Variants in PPP1R16A observed in about 807,000 individuals in gnomAD.
The protein encoded by PPP1R16A is protein phosphatase 1 regulatory subunit 16A, also known as myosin phosphatase-targeting subunit 3.
Under a neutral mutation model 46.6 loss-of-function variants are expected in PPP1R16A, and 39 were observed. The ratio of observed to expected loss-of-function variants is 0.84; its 90% CI spans 0.65 to 1.09. PPP1R16A has a LOEUF of 1.09. PPP1R16A is among the 50% of genes least tolerant of loss of function. PPP1R16A has a pLI of 0.00. For synonymous variants in PPP1R16A, 413 were observed against 321.5 expected, an observed-to-expected ratio of 1.28 and a Z score of -3.04; for missense variants, 798 against 735.6, an observed-to-expected ratio of 1.08 and a Z score of -0.98.
chr8:144,491,184 C>T (rs1383743310), intron 2 of PPP1R16A, among the ~76,000 whole-genome samples: 3 of 152,226 alleles, frequency 2.0e-5, no homozygotes, highest in Admixed American at 6.5e-5. Flanking sequence ...CATTGAGACC[C>T]ACCTCATCTT....
In PPP1R16A at chr8:144,497,356, C is replaced by T. The variant is rs1826125539; in HGVS notation, c.162C>T (p.Pro54=). 1 of 1,612,904 alleles carries T rather than the reference C, an allele frequency of 6.2e-7. No homozygotes were observed. Among genetic ancestry groups the T allele is most frequent in the Non-Finnish European group, 8.5e-7 (1 of 1,179,992 alleles). The change falls in exon 3 of 12, where the codon CCC becomes CCT. Residue 54 remains proline (P), a synonymous_variant. Transcript: ENST00000435887. ...AQGKKGPGER[P]RKEAASQGLL... ...GCAAGAAGGGTCCTGGGGAGCGTCC[C>T]CGGAAGGAGGCAGCCAGCCAAGGGC...
intron 11 of PPP1R16A, 97 bp downstream of exon 11, chr8:144,501,391 T>C (rs1826458056): frequency 6.7e-7 from 1 of 1,488,356 alleles, no homozygotes; most frequent in Non-Finnish European, 8.9e-7. Flanking sequence ...GTGTCAGGAA[T>C]GGTGCCCTGC....
chr8:144,490,869 A>C (rs1825785879), intron 2 of PPP1R16A, among the ~76,000 whole-genome samples: 1 of 152,192 alleles, frequency 6.6e-6, no homozygotes, highest in African/African-American at 2.4e-5. Flanking sequence ...AGTCTGGGCA[A>C]CATAGGGAGA....
At chr8:144,487,607 T>G (rs1418399750) in intron 1 of PPP1R16A, among the ~76,000 whole-genome samples, 1 of 152,216 alleles carries the variant, frequency 6.6e-6, no homozygotes, top group Non-Finnish European at 1.5e-5. Flanking sequence ...TGGGCTCAAG[T>G]GATCCTCCTG....
chr8:144,494,923 G>A (rs1825984684), intron 2 of PPP1R16A, among the ~76,000 whole-genome samples: 1 of 152,166 alleles, frequency 6.6e-6, no homozygotes, highest in Non-Finnish European at 1.5e-5. Flanking sequence ...CTGCCTCTCT[G>A]GTACCCATGC....
At position 144,501,829 on chromosome 8, in the gene PPP1R16A, C is replaced by T. The variant is rs1225495333; in HGVS notation, c.1513C>T (p.Pro505Ser). The T allele has an allele frequency of 6.4e-7, 1 of 1,550,836 alleles. No homozygotes were observed. Among genetic ancestry groups the T allele is most frequent in the Non-Finnish European group, 8.7e-7 (1 of 1,148,954 alleles). The change falls in exon 12 of 12, where the codon CCA (proline) becomes TCA (serine). Residue 505 changes from proline (P) to serine (S), a missense_variant. Physicochemically the swap from Pro to Ser is moderately conservative, Grantham distance 74. Transcript: ENST00000435887. Reference protein sequence around the residue: ...PDCGFRAGGDPPLLKLTAPAV... With the variant: ...PDCGFRAGGDSPLLKLTAPAV... ...CTGTGGCTTCAGGGCAGGCGGGGAC[C>T]CACCCCTGCTCAAGCTCACAGCCCC...
At chr8:144,495,812 C>T (rs1826031362) in intron 2 of PPP1R16A, 1 of 152,306 alleles carries the variant, frequency 6.6e-6, no homozygotes, top group Non-Finnish European at 1.5e-5. Flanking sequence ...AGGACTAGGG[C>T]CATAGCAGGT....
chr8:144,496,997 C>T lies in PPP1R16A; in HGVS notation c.-198C>T, dbSNP rs546314518. 3.5e-4 allele frequency: 240 copies of T among 688,930 alleles called. 1 individual carries two copies. Among genetic ancestry groups the T allele is most frequent in the East Asian group, 1.0e-3 (37 of 36,546 alleles). 42.7% of individuals were successfully genotyped at this position (688,930 alleles called of 1,614,324 possible). On this transcript the variant is annotated 5_prime_UTR_variant, in exon 3 of 12. Transcript: ENST00000435887. The stretch of plus-strand genomic sequence containing the variant: ...CCCTCCCACACTGCCCTCCCTGCCC[C>T]GGCCCATGCCCCCCAGGGCTGCCTG...
At chr8:144,501,104 A>T (rs1483606058) in intron 10 of PPP1R16A, 25 bp from the exon 11 acceptor site, 1 of 1,606,296 alleles carries the variant, frequency 6.2e-7, no homozygotes, top group Middle Eastern at 1.7e-4. Context: ...CCTTCCCCTC[A>T]CTCCCTCTCC....
Position 144,498,532 on chromosome 8 carries a change from G to A in PPP1R16A, c.260-238G>A, listed in dbSNP as rs141006182. Reference sequence around the variant, plus strand: ...GCACGGCCTGTTCTGGGGGTCGGAGGGCTGGAGCACCACCATGAAGGGCCT... The same window carrying A: ...GCACGGCCTGTTCTGGGGGTCGGAGAGCTGGAGCACCACCATGAAGGGCCT... On this transcript the variant is annotated intron_variant, in intron 3 of 11. Transcript: ENST00000435887. 8.2e-5 allele frequency: 43 copies of A among 525,210 alleles called. No homozygotes were observed. In the South Asian group the frequency reaches 1.2e-3, roughly 14 times the overall value. 32.5% of individuals were successfully genotyped at this position (525,210 alleles called of 1,614,324 possible). A position where few individuals can be genotyped will look rare whatever the true frequency, so the allele number is the denominator to read the frequency against.
At chr8:144,482,179 T>G (rs1353652890) in intron 1 of PPP1R16A, among the ~76,000 whole-genome samples, 3 of 152,078 alleles carry the variant, frequency 2.0e-5, no homozygotes, top group African/African-American at 7.2e-5. Flanking sequence ...TTCAAGCGAT[T>G]CTTCTGCCTC....
chr8:144,500,242 T>A (rs1826346663), intron 6 of PPP1R16A, 25 bp from the exon 7 acceptor site: 1 of 1,574,076 alleles, frequency 6.4e-7, no homozygotes, highest in African/African-American at 1.4e-5. Context: ...CCGGTCGCGC[T>A]CCCTCTGAGC....
chr8:144,499,998 C>G lies in PPP1R16A; in HGVS notation c.477-98C>G, dbSNP rs371502869. The G allele has an allele frequency of 6.1e-5, 79 of 1,302,934 alleles. 1 individual carries two copies. The South Asian group carries it at 1.0e-3, about 17-fold the overall frequency. The allele number at this position is 1,302,934 out of a possible 1,614,324, so 80.7% of individuals were successfully genotyped here. A position where few individuals can be genotyped will look rare whatever the true frequency, so the allele number is the denominator to read the frequency against. On this transcript the variant is annotated intron_variant, in intron 5 of 11. Transcript: ENST00000435887. ...GGACAGGGTGCCTCCTGAGGGGCAG[C>G]CCTGGGCTGAGGGGCCCTGGCGGGG...
chr8:144,495,667 ACCTCGTGATCCACCCGCCTTGG>A (rs1341248244), intron 2 of PPP1R16A: 1 of 152,152 alleles, frequency 6.6e-6, no homozygotes, highest in Non-Finnish European at 1.5e-5. Context: ...CGATCTCCTG[ACCTCGTGATCCACCCGCCTTGG>A]CCTCCCAAAG....
intron 1 of PPP1R16A, among the ~76,000 whole-genome samples, chr8:144,483,349 T>A (rs62530440): frequency 4.6e-5 from 7 of 152,228 alleles, no homozygotes; most frequent in Non-Finnish European, 1.0e-4. Context: ...CTTCATCACG[T>A]GAATTTTTTG....
rs376668862 is a variant in PPP1R16A, at chr8:144,499,615, G to A, written c.477-481G>A. The stretch of plus-strand genomic sequence containing the variant: ...CATGGCGGTCGCGTCACACACAGGC[G>A]CTGCGGGGCAGGCGGGGATGTGGGG... On this transcript the variant is annotated intron_variant, in intron 5 of 11. Coordinates refer to ENST00000435887, the MANE Select transcript of PPP1R16A (RefSeq NM_001329443.2). The A allele has an allele frequency of 9.8e-5, 18 of 184,206 alleles. No homozygotes were observed. The East Asian group carries it at 2.4e-3, about 24-fold the overall frequency. 11.4% of individuals were successfully genotyped at this position (184,206 alleles called of 1,614,324 possible). A position where few individuals can be genotyped will look rare whatever the true frequency, so the allele number is the denominator to read the frequency against.
At chr8:144,498,333 C>T (rs568376460) in intron 3 of PPP1R16A, 3 of 343,534 alleles carry the variant, frequency 8.7e-6, no homozygotes, top group East Asian at 1.5e-4. Context: ...CAGGGATGTG[C>T]TCTGGTGGTG....
Position 144,500,617 on chromosome 8 carries a change from G to C in PPP1R16A, c.831+5G>C. The C allele has an allele frequency of 6.2e-7, 1 of 1,602,032 alleles. No individual in the cohort carries two copies. Among genetic ancestry groups the C allele is most frequent in the Non-Finnish European group, 8.5e-7 (1 of 1,179,116 alleles). On this transcript the variant is annotated splice_donor_5th_base_variant and intron_variant, in intron 8 of 11. Transcript: ENST00000435887. ...GCCGCGGCCTACTGGGGCCAGGTGAGTGCGGGCGGGAGCAGGTGGGAGGGG... is the reference window on the plus strand; with the variant it reads ...GCCGCGGCCTACTGGGGCCAGGTGACTGCGGGCGGGAGCAGGTGGGAGGGG...
chr8:144,487,531 G>T lies in PPP1R16A; in HGVS notation c.-913-2503G>T, dbSNP rs114084811. On this transcript the variant is annotated intron_variant, in intron 1 of 11. Transcript: ENST00000435887. ...ACTGCAGGGGTGCACCACCATGCCT[G>T]GCTAATTTTTTAAATTTTGTAGAGA... 8.2e-3 allele frequency among the ~76,000 whole-genome samples: 1,253 copies of T among 152,234 alleles called. 16 individuals are homozygous for T. Among genetic ancestry groups the T allele is most frequent in the African/African-American group, 0.029 (1,193 of 41,528 alleles).
Sources: allele counts gnomAD v4.1 joint callset (sites outside exome capture counted in the v4.1 genomes callset), GRCh38; gene constraint gnomAD v4.1.1; transcripts MANE v1.5; gene names NCBI Gene and HGNC (gene_info 2026-07-23, HGNC 2026-07-21).